PRIMA1: variants seen among roughly 807,000 people sequenced by gnomAD.
PRIMA1 encodes proline rich membrane anchor 1.
In PRIMA1, 7 loss-of-function variants were observed where a neutral mutation model predicts 17.5. That is an observed-to-expected ratio of 0.40 (90% CI 0.23 to 0.75). The LOEUF (loss-of-function observed/expected upper bound fraction) is 0.75. Ranked by LOEUF, PRIMA1 falls within the 30% of genes least tolerant of loss-of-function variation. The probability of loss-of-function intolerance (pLI) is 0.37; values close to 1 mark genes in which losing one functional copy is unlikely to be tolerated. For synonymous variants in PRIMA1, 97 were observed against 77.9 expected, an observed-to-expected ratio of 1.25 and a Z score of -1.29; for missense variants, 200 against 201.8, an observed-to-expected ratio of 0.99 and a Z score of 0.05.
At chr14:93,736,506 TG>T (rs2076151076) in intron 4 of PRIMA1, among the ~76,000 whole-genome samples, 1 of 152,228 alleles carries the variant, frequency 6.6e-6, no homozygotes, top group Non-Finnish European at 1.5e-5. Context: ...GCTCTGAGTT[TG>T]GGTTCTCGGC....
At chr14:93,764,814 A>G (rs1306356145) in intron 3 of PRIMA1, among the ~76,000 whole-genome samples, 1 of 152,162 alleles carries the variant, frequency 6.6e-6, no homozygotes, top group African/African-American at 2.4e-5. Flanking sequence ...GGAAAAAGGT[A>G]CTGCCCGTAG....
rs2076027588 is a variant in PRIMA1 at position 93,720,108 on chromosome 14, ATGC to A, written c.*1333_*1335del. The A allele has an allele frequency of 6.6e-6, 1 of 152,286 alleles. No individual in the cohort carries two copies. The allele number at this position is 152,286 out of a possible 1,614,324, so 9.4% of individuals were successfully genotyped here. A position where few individuals can be genotyped will look rare whatever the true frequency, so the allele number is the denominator to read the frequency against. On this transcript the variant is annotated 3_prime_UTR_variant, in exon 5 of 5. Transcript: ENST00000393140. ...GAGGGCTCGACAGTGGAACCATTCA[ATGC>A]ATTGGGCTCCTTCTGAGCACATATG...
chr14:93,742,601 G>T (rs551877220), intron 3 of PRIMA1, among the ~76,000 whole-genome samples: 1 of 152,260 alleles, frequency 6.6e-6, no homozygotes, highest in Admixed American at 6.5e-5. Context: ...CCTTGGGCAG[G>T]GTAGGGGAGG....
At chr14:93,735,996 G>A (rs2076147752) in intron 4 of PRIMA1, among the ~76,000 whole-genome samples, 1 of 152,164 alleles carries the variant, frequency 6.6e-6, no homozygotes, top group African/African-American at 2.4e-5. Flanking sequence ...GCCCCACCTT[G>A]GTTTTCAAGA....
At chr14:93,739,516 G>A (rs868336631) in intron 3 of PRIMA1, among the ~76,000 whole-genome samples, 9 of 152,208 alleles carry the variant, frequency 5.9e-5, no homozygotes, top group Non-Finnish European at 1.3e-4. Context: ...GGGTTGTGTG[G>A]TGTGTGTATG....
intron 4 of PRIMA1, among the ~76,000 whole-genome samples, chr14:93,730,598 T>C (rs1462693587): frequency 1.3e-5 from 2 of 152,150 alleles, no homozygotes; most frequent in African/African-American, 4.8e-5. Context: ...ACCATGAAGG[T>C]TCATTCTGGC....
At chr14:93,722,763 G>GCA (rs1300767052) in intron 4 of PRIMA1, among the ~76,000 whole-genome samples, 10 of 15,348 alleles carry the variant, frequency 6.5e-4, no homozygotes, top group South Asian at 4.4e-3. Flanking sequence ...TGGAGGTGAT[G>GCA]ATGGCGGTGA....
Position 93,720,586 on chromosome 14 carries a change from G to A in PRIMA1, c.*858C>T, listed in dbSNP as rs184608929. 4.1e-3 allele frequency: 622 copies of A among 153,062 alleles called. 3 individuals carry two copies. Among genetic ancestry groups the A allele is most frequent in the Admixed American group, 6.0e-3 (92 of 15,306 alleles). The allele number at this position is 153,062 out of a possible 1,614,324, so 9.5% of individuals were successfully genotyped here. ...CACAGTGGATTTGGCACAAGTAGTGGCCTCTGCTGACTAAGGCAGGGCCTG... is the reference window on the plus strand; with the variant it reads ...CACAGTGGATTTGGCACAAGTAGTGACCTCTGCTGACTAAGGCAGGGCCTG... On this transcript the variant is annotated 3_prime_UTR_variant, in exon 5 of 5. Transcript: ENST00000393140.
chr14:93,728,910 T>G lies in PRIMA1; in HGVS notation c.360-7364A>C, dbSNP rs1332723941. On this transcript the variant is annotated intron_variant, in intron 4 of 4. Transcript: ENST00000393140. ...GGATCTTATCACCCATCATGGAAGA[T>G]GGGTCTTTATAGGGGGACAAATAAG... Among the ~76,000 whole-genome samples the G allele has an allele frequency of 2.0e-5, 3 of 152,152 alleles. No homozygotes were observed. In the South Asian group the frequency reaches 6.2e-4, roughly 32 times the overall value.
At chr14:93,738,996 T>C (rs548501941) in intron 3 of PRIMA1, among the ~76,000 whole-genome samples, 32 of 152,370 alleles carry the variant, frequency 2.1e-4, no homozygotes, top group Admixed American at 2.0e-3. Context: ...AGCTCCTTCC[T>C]TTGTTGCTGA....
intron 3 of PRIMA1, among the ~76,000 whole-genome samples, chr14:93,772,474 C>T (rs1464446959): frequency 6.6e-6 from 1 of 152,276 alleles, no homozygotes; most frequent in East Asian, 1.9e-4. Flanking sequence ...GGCTGGTACA[C>T]ATCTCCTTCC....
intron 1 of PRIMA1, 137 bp from the exon 2 acceptor site, chr14:93,787,886 T>TA (rs1885572373): frequency 2.1e-6 from 2 of 945,430 alleles, no homozygotes; most frequent in Admixed American, 2.8e-5. Flanking sequence ...AGCCTGCACT[T>TA]ACACTCCAGC....
Position 93,718,505 on chromosome 14 carries a change from C to G in PRIMA1, c.*2939G>C, listed in dbSNP as rs1002989715. 13 of 152,574 alleles carry G rather than the reference C, an allele frequency of 8.5e-5. No homozygotes were observed. The highest frequency in any genetic ancestry group is 2.9e-4 in the African/African-American group (12 of 41,418). 9.5% of individuals were successfully genotyped at this position (152,574 alleles called of 1,614,324 possible). The stretch of plus-strand genomic sequence containing the variant: ...ACTCCCAGGAGCAACTGTCCTCTCT[C>G]CAGTACACGCGGCACGTTGCTAAGA... On this transcript the variant is annotated 3_prime_UTR_variant, in exon 5 of 5. Coordinates refer to ENST00000393140, the MANE Select transcript of PRIMA1 (RefSeq NM_178013.4).
chr14:93,762,967 C>T (rs1462243225), intron 3 of PRIMA1, among the ~76,000 whole-genome samples: 2 of 152,182 alleles, frequency 1.3e-5, no homozygotes, highest in African/African-American at 4.8e-5. Context: ...CCAGCCTCCA[C>T]TCAAATGCCA....
chr14:93,782,283 A>ATATATAC (rs1566979282), intron 2 of PRIMA1, among the ~76,000 whole-genome samples: 2 of 151,112 alleles, frequency 1.3e-5, no homozygotes, highest in South Asian at 2.1e-4. Flanking sequence ...TAAATAAATA[A>ATATATAC]ATAAATAAAT....
intron 3 of PRIMA1, among the ~76,000 whole-genome samples, chr14:93,777,079 T>G (rs896611786): frequency 1.8e-4 from 27 of 152,146 alleles, no homozygotes; most frequent in Admixed American, 7.9e-4. Flanking sequence ...ATAAGGCAAA[T>G]AAGAGATGGT....
At chr14:93,787,848 C>T in intron 1 of PRIMA1, 99 bp from the exon 2 acceptor site, 1 of 1,405,776 alleles carries the variant, frequency 7.1e-7, no homozygotes, top group Non-Finnish European at 9.4e-7. Flanking sequence ...CGGGCACGCC[C>T]CGCACCCAGG....
intron 3 of PRIMA1, among the ~76,000 whole-genome samples, chr14:93,738,620 T>C (rs1028883783): frequency 4.6e-5 from 7 of 152,204 alleles, no homozygotes; most frequent in Admixed American, 2.6e-4. Context: ...AACCAGGGGA[T>C]GACTTCCCAA....
chr14:93,753,191 G>C (rs940969419), intron 3 of PRIMA1, among the ~76,000 whole-genome samples: 1 of 152,200 alleles, frequency 6.6e-6, no homozygotes, highest in African/African-American at 2.4e-5. Flanking sequence ...GCCAATTGAA[G>C]GAGTTAAACT....
Sources: gnomAD v4.1 joint callset for allele counts (sites outside exome capture counted in the v4.1 genomes callset) on GRCh38, gnomAD v4.1.1 for gene constraint, MANE v1.5 for transcripts, NCBI Gene and HGNC (gene_info 2026-07-23, HGNC 2026-07-21) for gene names.